Variants in CDC16 observed in about 807,000 individuals in gnomAD.
CDC16 encodes cell division cycle protein 16 homolog.
Under a neutral mutation model 87.0 loss-of-function variants are expected in CDC16, and 34 were observed. The observed-to-expected ratio is 0.39, with a 90% confidence interval of 0.30 to 0.52. The LOEUF (loss-of-function observed/expected upper bound fraction) is 0.52, where lower values mean the gene tolerates loss of function less well. CDC16 is among the 20% of genes least tolerant of loss of function. The pLI is 0.74. For synonymous variants in CDC16, 263 were observed against 260.6 expected, an observed-to-expected ratio of 1.01 and a Z score of -0.09; for missense variants, 653 against 751.9, an observed-to-expected ratio of 0.87 and a Z score of 1.54.
chr13:114,263,510 C>T (rs892234549), intron 16 of CDC16, among the ~76,000 whole-genome samples: 4 of 152,114 alleles, frequency 2.6e-5, no homozygotes, highest in Admixed American at 6.5e-5. Flanking sequence ...AATTTTTTCC[C>T]GGCACTTAAT....
intron 17 of CDC16, among the ~76,000 whole-genome samples, chr13:114,271,807 G>A (rs1389300664): frequency 2.0e-5 from 3 of 152,142 alleles, no homozygotes; most frequent in African/African-American, 7.2e-5. Context: ...ACCTGTAACA[G>A]CTGAGGAGAA....
chr13:114,267,908 G>T (rs970268713), intron 17 of CDC16, among the ~76,000 whole-genome samples: 10 of 152,166 alleles, frequency 6.6e-5, no homozygotes, highest in Non-Finnish European at 2.9e-5. Flanking sequence ...CCAGAGTGTG[G>T]CCCCAGCCAG....
chr13:114,259,085 T>G, intron 13 of CDC16, among the ~76,000 whole-genome samples: 1 of 132,034 alleles, frequency 7.6e-6, no homozygotes. Context: ...GGTAACAGAG[T>G]GAGACTCTTA....
chr13:114,264,435 A>G (rs1052683287), intron 16 of CDC16, among the ~76,000 whole-genome samples: 3 of 152,118 alleles, frequency 2.0e-5, no homozygotes, highest in African/African-American at 7.2e-5. Context: ...AGTCCCAGCT[A>G]CTAGCCCTGC....
intron 11 of CDC16, among the ~76,000 whole-genome samples, chr13:114,247,979 C>T (rs1449340908): frequency 6.6e-6 from 1 of 152,106 alleles, no homozygotes; most frequent in Non-Finnish European, 1.5e-5. Context: ...ATCCTGTTAA[C>T]CTTTTACTTT....
At chr13:114,240,399 C>T (rs1036222407) in intron 5 of CDC16, among the ~76,000 whole-genome samples, 3 of 152,064 alleles carry the variant, frequency 2.0e-5, no homozygotes, top group South Asian at 2.1e-4. Flanking sequence ...TTAGTAGAGA[C>T]GGGGTTTCAC....
At chr13:114,245,368 C>A (rs769568112) in intron 9 of CDC16, among the ~76,000 whole-genome samples, 2 of 150,012 alleles carry the variant, frequency 1.3e-5, no homozygotes, top group Non-Finnish European at 3.0e-5. Flanking sequence ...TCATGTTTTC[C>A]GTATTTTTAA....
In CDC16 at chr13:114,267,917, A is replaced by C. The variant is rs114721647; in HGVS notation, c.1603+2677A>C. 8.7e-3 allele frequency among the ~76,000 whole-genome samples: 1,319 copies of C among 152,340 alleles called. 16 individuals are homozygous for C. The highest frequency in any genetic ancestry group is 0.03 in the African/African-American group (1,227 of 41,582). ...GTAACACCAGAGTGTGGCCCCAGCCAGTTGCCCTCAGTTACCAAGGAGCAA... is the reference window on the plus strand; with the variant it reads ...GTAACACCAGAGTGTGGCCCCAGCCCGTTGCCCTCAGTTACCAAGGAGCAA... On this transcript the variant is annotated intron_variant, in intron 17 of 17. Transcript: ENST00000356221.
chr13:114,240,208 C>T (rs1409194167), intron 5 of CDC16, among the ~76,000 whole-genome samples: 1 of 151,206 alleles, frequency 6.6e-6, no homozygotes, highest in African/African-American at 2.5e-5. Flanking sequence ...TTTCTTCCCA[C>T]ATCTTTTTTT....
intron 17 of CDC16, among the ~76,000 whole-genome samples, chr13:114,268,572 C>T (rs918516309): frequency 1.3e-5 from 2 of 152,158 alleles, no homozygotes; most frequent in Non-Finnish European, 2.9e-5. Flanking sequence ...CAAATGAAGA[C>T]TGTGACCAAT....
rs1399992228 is a variant in CDC16, at chr13:114,272,654, G to A, written c.*211G>A. The A allele has an allele frequency of 9.3e-6, 4 of 428,664 alleles. No homozygotes were observed. The highest frequency in any genetic ancestry group is 1.6e-5 in the Non-Finnish European group (4 of 244,200). 26.6% of individuals were successfully genotyped at this position (428,664 alleles called of 1,614,324 possible). ...AACCTACAAAATAGTTATACATAGT[G>A]GAATAAAGAAGGTAAACCATCTGTT... On this transcript the variant is annotated 3_prime_UTR_variant, in exon 18 of 18. Transcript: ENST00000356221.
At chr13:114,246,639 G>T (rs1468434148) in intron 10 of CDC16, among the ~76,000 whole-genome samples, 1 of 152,210 alleles carries the variant, frequency 6.6e-6, no homozygotes, top group Non-Finnish European at 1.5e-5. Flanking sequence ...AAGAGCCAGG[G>T]TCAGGCTGGG....
chr13:114,257,338 T>C, intron 13 of CDC16, 108 bp downstream of exon 13: 1 of 681,664 alleles, frequency 1.5e-6, no homozygotes, highest in Non-Finnish European at 2.3e-6. Flanking sequence ...ATTTGTACTT[T>C]TAAATGTTCT....
chr13:114,247,250 T>G (rs1026325991), intron 11 of CDC16: 8 of 453,082 alleles, frequency 1.8e-5, no homozygotes, highest in Non-Finnish European at 3.2e-5. Flanking sequence ...CAATAATAGC[T>G]CACCTCAAAC....
rs752900824 is a variant in CDC16 at position 114,236,629 on chromosome 13, T to G, written c.49-16T>G. 1 of 1,606,114 alleles carries G rather than the reference T, an allele frequency of 6.2e-7. No homozygotes were observed. Among genetic ancestry groups the G allele is most frequent in the Non-Finnish European group, 8.5e-7 (1 of 1,178,312 alleles). On this transcript the variant is annotated splice_polypyrimidine_tract_variant and intron_variant, in intron 1 of 17. Coordinates refer to ENST00000356221, the MANE Select transcript of CDC16 (RefSeq NM_001078645.3). The stretch of plus-strand genomic sequence containing the variant: ...TAACAGGGCAGTTACCACCTTTTTT[T>G]TTTTTTGGTATGCAGCAACAGTATC...
At position 114,246,862 on chromosome 13, in the gene CDC16, A is replaced by G; in HGVS notation, c.898-69A>G. ...TGTAGTATACCCTCTGTCTACCCTA[A>G]TTTGTTGCAGATTCCAATTAGATAT... is the stretch of plus-strand genomic sequence containing the variant. On this transcript the variant is annotated intron_variant, in intron 10 of 17. Coordinates refer to ENST00000356221, the MANE Select transcript of CDC16 (RefSeq NM_001078645.3). 4.3e-6 allele frequency: 4 copies of G among 935,820 alleles called. No homozygotes were observed. The South Asian group carries it at 5.2e-5, about 12-fold the overall frequency. 58.0% of individuals were successfully genotyped at this position (935,820 alleles called of 1,614,324 possible).
At chr13:114,252,951 TAGTG>T (rs1358537369) in intron 12 of CDC16, among the ~76,000 whole-genome samples, 1 of 151,906 alleles carries the variant, frequency 6.6e-6, no homozygotes, top group African/African-American at 2.4e-5. Context: ...CCTGGCAACA[TAGTG>T]AGACCTTATC....
intron 17 of CDC16, among the ~76,000 whole-genome samples, chr13:114,266,884 G>C (rs1237467077): frequency 6.6e-6 from 1 of 151,846 alleles, no homozygotes; most frequent in Non-Finnish European, 1.5e-5. Context: ...TTTTAGTAGT[G>C]ATGGGGTTTC....
rs759504424 is a variant in CDC16, at chr13:114,261,945, TTAAG to T, written c.1376+3_1376+6del. The T allele has an allele frequency of 1.3e-5, 20 of 1,593,400 alleles. No individual in the cohort carries two copies. The highest frequency in any genetic ancestry group is 1.2e-5 in the Non-Finnish European group (14 of 1,167,398). On this transcript the variant is annotated splice_donor_variant and coding_sequence_variant, in exon 15 of 18. Coordinates refer to ENST00000356221, the MANE Select transcript of CDC16 (RefSeq NM_001078645.3). LOFTEE classifies it high-confidence loss of function. ...AACTTGGGGCATGTCTGCAGAAAAC[TTAAG>T]TAAGTGAAGTAGAGCATTTTCAGAA...
Sources: allele counts gnomAD v4.1 joint callset (sites outside exome capture counted in the v4.1 genomes callset), GRCh38; gene constraint gnomAD v4.1.1; transcripts MANE v1.5; gene names NCBI Gene and HGNC (gene_info 2026-07-23, HGNC 2026-07-21).